ERG: variants seen among roughly 807,000 people sequenced by gnomAD.
ERG encodes the protein ETS transcription factor ERG, also known as transcriptional regulator ERG.
ERG carries 9 observed loss-of-function variants against 55.3 expected under a neutral mutation model. The observed-to-expected ratio is 0.16, with a 90% CI of 0.10 to 0.28. The LOEUF (loss-of-function observed/expected upper bound fraction) is 0.28, where lower values mean the gene tolerates loss of function less well. ERG is among the 10% of genes least tolerant of loss of function. The pLI is 1.00. For missense variants in ERG, 434 were observed against 631.6 expected, an observed-to-expected ratio of 0.69 and a Z score of 3.35; for synonymous variants, 223 against 237.3, an observed-to-expected ratio of 0.94 and a Z score of 0.55.
intron 1 of ERG, among the ~76,000 whole-genome samples, chr21:38,463,919 C>T (rs1366005272): frequency 1.3e-5 from 2 of 152,174 alleles, no homozygotes; most frequent in Admixed American, 1.3e-4. Flanking sequence ...TTCACACACC[C>T]TTTTTATCTA....
intron 1 of ERG, among the ~76,000 whole-genome samples, chr21:38,603,202 A>C (rs1487875718): frequency 6.6e-6 from 1 of 152,084 alleles, no homozygotes; most frequent in Non-Finnish European, 1.5e-5. Flanking sequence ...AAGAGACCCG[A>C]AACGCAGCTT....
intron 1 of ERG, among the ~76,000 whole-genome samples, chr21:38,640,714 C>T (rs578234353): frequency 1.3e-5 from 2 of 152,300 alleles, no homozygotes; most frequent in East Asian, 1.9e-4. Context: ...TCTTTATAAA[C>T]TACCCAGTCT....
intron 1 of ERG, among the ~76,000 whole-genome samples, chr21:38,640,794 C>T (rs460667): frequency 0.082 from 12,496 of 152,110 alleles, 885 homozygotes; most frequent in East Asian, 0.26. Context: ...CATGAAAACG[C>T]AGTGATGTAT....
At chr21:38,392,910 C>T (rs1691371800) in intron 6 of ERG, among the ~76,000 whole-genome samples, 1 of 152,200 alleles carries the variant, frequency 6.6e-6, no homozygotes, top group South Asian at 2.1e-4. Context: ...TCTTGCATCT[C>T]CTGGGAAGTG....
intron 2 of ERG, among the ~76,000 whole-genome samples, chr21:38,575,063 A>G (rs1408141772): frequency 6.6e-6 from 1 of 152,084 alleles, no homozygotes; most frequent in Non-Finnish European, 1.5e-5. Flanking sequence ...GCACTTCCTC[A>G]CCCTCTCACC....
At chr21:38,534,726 T>C (rs2146780468) in intron 2 of ERG, among the ~76,000 whole-genome samples, 1 of 152,248 alleles carries the variant, frequency 6.6e-6, no homozygotes, top group South Asian at 2.1e-4. Flanking sequence ...TGGGTATATA[T>C]TCAAAAAAAT....
chr21:38,501,061 C>CTTT (rs34639260), upstream of ERG, among the ~76,000 whole-genome samples: 271 of 81,056 alleles, frequency 3.3e-3, 2 homozygotes, highest in African/African-American at 5.7e-3. Context: ...CAAGGCACAT[C>CTTT]TTTTTTTTTT....
chr21:38,408,773 C>G (rs1270382587), intron 3 of ERG, among the ~76,000 whole-genome samples: 1 of 152,144 alleles, frequency 6.6e-6, no homozygotes. Context: ...ATTCAGCAGG[C>G]CTGTCTTCCT....
At chr21:38,400,442 G>A (rs1468193669) in intron 6 of ERG, 132 bp downstream of exon 6, 1 of 796,644 alleles carries the variant, frequency 1.3e-6, no homozygotes, top group South Asian at 1.3e-5. Context: ...AACAGAGGCA[G>A]AATAAGACTG....
At chr21:38,478,157 T>C (rs1808143000) in intron 1 of ERG, among the ~76,000 whole-genome samples, 1 of 152,178 alleles carries the variant, frequency 6.6e-6, no homozygotes, top group Admixed American at 6.5e-5. Context: ...CCAATAACAG[T>C]TTTGGAGAGT....
intron 1 of ERG, among the ~76,000 whole-genome samples, chr21:38,463,831 C>A (rs1045972770): frequency 1.3e-5 from 2 of 152,204 alleles, no homozygotes; most frequent in African/African-American, 2.4e-5. Flanking sequence ...GCCTGGGATG[C>A]CCCGTCCAGA....
rs56195027 is a variant in ERG, at chr21:38,592,571, CTGTGTGTGTGTG to C, written c.-149-7638_-149-7627del. Among the ~76,000 whole-genome samples, 323 of 148,098 alleles carry C rather than the reference CTGTGTGTGTGTG, an allele frequency of 2.2e-3. 2 individuals carry two copies. The highest frequency in any genetic ancestry group is 7.1e-3 in the African/African-American group (286 of 40,162). On this transcript the variant is annotated intron_variant, in intron 1 of 10. Transcript: ENST00000398910. The stretch of plus-strand genomic sequence containing the variant: ...GGCTGCTTATTGTCATCTCCCTTCA[CTGTGTGTGTGTG>C]TGTGTGTGTGTGTGTGTGTGTGTGC...
intron 2 of ERG, among the ~76,000 whole-genome samples, chr21:38,428,796 T>C (rs1334266198): frequency 6.6e-6 from 1 of 152,236 alleles, no homozygotes; most frequent in Admixed American, 6.5e-5. Flanking sequence ...TCTGTCTTTT[T>C]GTTTGGGGTG....
At chr21:38,426,360 G>A (rs1989823457) in intron 2 of ERG, among the ~76,000 whole-genome samples, 1 of 152,200 alleles carries the variant, frequency 6.6e-6, no homozygotes, top group Admixed American at 6.5e-5. Flanking sequence ...TGAGTAGAGT[G>A]TATATGTTTT....
chr21:38,545,153 C>T (rs947348288), intron 2 of ERG, among the ~76,000 whole-genome samples: 1 of 152,150 alleles, frequency 6.6e-6, no homozygotes, highest in Non-Finnish European at 1.5e-5. Flanking sequence ...TAATTCTCTA[C>T]ACAGCTGCTG....
intron 2 of ERG, among the ~76,000 whole-genome samples, chr21:38,505,821 A>G (rs1380736390): frequency 6.6e-6 from 1 of 152,168 alleles, no homozygotes; most frequent in East Asian, 1.9e-4. Context: ...ACCAGACATG[A>G]GTCGTGCAGG....
intron 2 of ERG, among the ~76,000 whole-genome samples, chr21:38,568,018 G>A (rs1392641892): frequency 1.3e-5 from 2 of 152,152 alleles, no homozygotes; most frequent in African/African-American, 2.4e-5. Flanking sequence ...AGCGGCAGCC[G>A]TGGAACAATG....
intron 1 of ERG, among the ~76,000 whole-genome samples, chr21:38,609,637 A>G (rs2060214671): frequency 6.6e-6 from 1 of 152,268 alleles, no homozygotes; most frequent in Admixed American, 6.5e-5. Context: ...TGTATAGAAT[A>G]ACACCATATG....
intron 1 of ERG, among the ~76,000 whole-genome samples, chr21:38,613,127 C>A (rs981441105): frequency 6.6e-6 from 1 of 152,184 alleles, no homozygotes. Context: ...ATTTTAAGCA[C>A]CGCATAGGAA....
Sources: gnomAD v4.1 joint callset for allele counts (sites outside exome capture counted in the v4.1 genomes callset) on GRCh38, gnomAD v4.1.1 for gene constraint, MANE v1.5 for transcripts, NCBI Gene and HGNC (gene_info 2026-07-23, HGNC 2026-07-21) for gene names.